FXN: variants seen among roughly 807,000 people sequenced by gnomAD.
FXN encodes the protein frataxin, also known as frataxin, mitochondrial.
FXN carries 14 observed loss-of-function variants against 22.4 expected under a neutral mutation model. That is an observed-to-expected ratio of 0.62 (90% CI 0.41 to 0.98). The LOEUF (loss-of-function observed/expected upper bound fraction) is 0.98, where lower values mean the gene tolerates loss of function less well. FXN is among the 50% of genes least tolerant of loss of function. The probability of loss-of-function intolerance (pLI) is 0.00; values close to 1 mark genes in which losing one functional copy is unlikely to be tolerated. For missense variants in FXN, 267 were observed against 268.4 expected, an observed-to-expected ratio of 0.99 and a Z score of 0.04; for synonymous variants, 120 against 114.1, an observed-to-expected ratio of 1.05 and a Z score of -0.33.
At chr9:69,068,775 C>T (rs1230102742) in intron 4 of FXN, among the ~76,000 whole-genome samples, 10 of 152,078 alleles carry the variant, frequency 6.6e-5, no homozygotes, top group Admixed American at 4.6e-4. Context: ...GGTGGTCTTA[C>T]GTTGACCATG....
At chr9:69,057,384 C>T (rs969945884) in intron 3 of FXN, among the ~76,000 whole-genome samples, 14 of 152,164 alleles carry the variant, frequency 9.2e-5, no homozygotes, top group Admixed American at 2.6e-4. Context: ...TCTCTGAAGA[C>T]AACATTAGGC....
chr9:69,070,332 A>G (rs1476381007), intron 4 of FXN, among the ~76,000 whole-genome samples: 2 of 152,210 alleles, frequency 1.3e-5, no homozygotes, highest in African/African-American at 4.8e-5. Context: ...CCACAATGGG[A>G]AGAAACCAGC....
chr9:69,076,081 T>A lies in FXN; in HGVS notation c.*3319T>A. 2.0e-6 allele frequency: 2 copies of A among 984,736 alleles called. No homozygotes were observed. The highest frequency in any genetic ancestry group is 2.4e-6 in the Non-Finnish European group (2 of 829,304). 61.0% of individuals were successfully genotyped at this position (984,736 alleles called of 1,614,324 possible). A position where few individuals can be genotyped will look rare whatever the true frequency, so the allele number is the denominator to read the frequency against. ...ACATAGAAAATAAAATGTTCTGGCA[T>A]GACTTATTTAGCTCTCTGGAATTAC... On this transcript the variant is annotated 3_prime_UTR_variant, in exon 5 of 5. Transcript: ENST00000484259.
chr9:69,037,617 G>A (rs967694600), intron 1 of FXN, among the ~76,000 whole-genome samples: 2 of 152,204 alleles, frequency 1.3e-5, no homozygotes, highest in African/African-American at 2.4e-5. Flanking sequence ...GAGCTGCCAC[G>A]TATTGGGCTT....
chr9:69,056,888 G>A lies in FXN; in HGVS notation c.384+3628G>A, dbSNP rs554650785. On this transcript the variant is annotated intron_variant, in intron 3 of 4. Coordinates refer to ENST00000484259, the MANE Select transcript of FXN (RefSeq NM_000144.5). ...CTCCCGAGTAGCTGGGATTACAGGC[G>A]CCTGCCACCACGCCTGGCTAATTTT... Among the ~76,000 whole-genome samples the A allele has an allele frequency of 3.3e-5, 5 of 150,306 alleles. No homozygotes were observed. In the South Asian group the frequency reaches 8.4e-4, roughly 25 times the overall value.
At chr9:69,047,329 A>G (rs956163812) in intron 2 of FXN, among the ~76,000 whole-genome samples, 6 of 150,772 alleles carry the variant, frequency 4.0e-5, no homozygotes, top group Non-Finnish European at 8.8e-5. Context: ...ATCTACACAC[A>G]GACACAGACA....
chr9:69,050,906 G>A (rs867511571), intron 2 of FXN, among the ~76,000 whole-genome samples: 1 of 151,520 alleles, frequency 6.6e-6, no homozygotes, highest in Non-Finnish European at 1.5e-5. Context: ...TCAGCCTCCC[G>A]AGTAGCTGGG....
chr9:69,045,947 T>G (rs1831744876), intron 1 of FXN, among the ~76,000 whole-genome samples: 1 of 152,150 alleles, frequency 6.6e-6, no homozygotes, highest in African/African-American at 2.4e-5. Flanking sequence ...TGGGCATGCT[T>G]TCAGTATGCC....
Position 69,074,351 on chromosome 9 carries a change from T to G in FXN, c.*1589T>G. 2 of 985,328 alleles carry G rather than the reference T, an allele frequency of 2.0e-6. No individual in the cohort carries two copies. The highest frequency in any genetic ancestry group is 2.4e-6 in the Non-Finnish European group (2 of 829,902). The allele number at this position is 985,328 out of a possible 1,614,324, so 61.0% of individuals were successfully genotyped here. A position where few individuals can be genotyped will look rare whatever the true frequency, so the allele number is the denominator to read the frequency against. On this transcript the variant is annotated 3_prime_UTR_variant, in exon 5 of 5. Coordinates refer to ENST00000484259, the MANE Select transcript of FXN (RefSeq NM_000144.5). ...AATTCATGCAAAGTTATGCTCATGT[T>G]ATATTATTTTCTTACTTAAAGAAGG...
At chr9:69,055,571 G>A (rs13284692) in intron 3 of FXN, among the ~76,000 whole-genome samples, 1,518 of 148,704 alleles carry the variant, frequency 0.01, 14 homozygotes, top group Non-Finnish European at 0.016. Context: ...TCAGCTCACT[G>A]CAACCTCTGC....
rs549497725 is a variant in FXN at position 69,042,831 on chromosome 9, G to A, written c.166-3554G>A. On this transcript the variant is annotated intron_variant, in intron 1 of 4. Coordinates refer to ENST00000484259, the MANE Select transcript of FXN (RefSeq NM_000144.5). The stretch of plus-strand genomic sequence containing the variant: ...CATTCTCAGACACTTTTCCTTGGAT[G>A]TTTTGAGCACTGCTTTAATTCCTGG... Among the ~76,000 whole-genome samples the A allele has an allele frequency of 2.2e-4, 34 of 152,314 alleles. 1 individual carries two copies. In the South Asian group the frequency reaches 7.0e-3, roughly 32 times the overall value.
rs1342392948 is a variant in FXN, at chr9:69,075,094, T to A, written c.*2332T>A. 1 of 985,294 alleles carries A rather than the reference T, an allele frequency of 1.0e-6. No homozygotes were observed. The highest frequency in any genetic ancestry group is 1.7e-5 in the African/African-American group (1 of 57,220). 61.0% of individuals were successfully genotyped at this position (985,294 alleles called of 1,614,324 possible). A position where few individuals can be genotyped will look rare whatever the true frequency, so the allele number is the denominator to read the frequency against. ...GGCCAGCCCTTCAGGCCTATTTTAC[T>A]TTCATTTTACATATAGCTCTAATTG... On this transcript the variant is annotated 3_prime_UTR_variant, in exon 5 of 5. Transcript: ENST00000484259.
chr9:69,051,726 AT>A (rs1228448820), intron 2 of FXN, among the ~76,000 whole-genome samples: 2 of 152,238 alleles, frequency 1.3e-5, no homozygotes, highest in African/African-American at 2.4e-5. Flanking sequence ...TATTAAAAAA[AT>A]CTCCAATAGA....
At chr9:69,046,555 T>G in intron 2 of FXN, 73 bp downstream of exon 2, 1 of 1,040,658 alleles carries the variant, frequency 9.6e-7, no homozygotes, top group East Asian at 2.5e-5. Flanking sequence ...AGAACCTGGT[T>G]TTCTTCCTGA....
rs201825172 is a variant in FXN at position 69,053,125 on chromosome 9, G to A, written c.264-15G>A. On this transcript the variant is annotated splice_polypyrimidine_tract_variant and intron_variant, in intron 2 of 4. Coordinates refer to ENST00000484259, the MANE Select transcript of FXN (RefSeq NM_000144.5). ...ATTTGGTAATCATGTTTTGGGTTTT[G>A]TGCTTCCTCTGCAGCTCTCTAGATG... 1.8e-4 allele frequency: 296 copies of A among 1,612,600 alleles called. 1 individual carries two copies. The highest frequency in any genetic ancestry group is 3.3e-4 in the Admixed American group (20 of 59,904).
At position 69,076,072 on chromosome 9, in the gene FXN, GT is replaced by G; in HGVS notation, c.*3312del. 1 of 984,426 alleles carries G rather than the reference GT, an allele frequency of 1.0e-6. No homozygotes were observed. The highest frequency in any genetic ancestry group is 1.2e-6 in the Non-Finnish European group (1 of 829,050). 61.0% of individuals were successfully genotyped at this position (984,426 alleles called of 1,614,324 possible). A position where few individuals can be genotyped will look rare whatever the true frequency, so the allele number is the denominator to read the frequency against. ...ACCTCAGCCACATAGAAAATAAAAT[GT>G]TCTGGCATGACTTATTTAGCTCTCT... On this transcript the variant is annotated 3_prime_UTR_variant, in exon 5 of 5. Transcript: ENST00000484259.
chr9:69,076,692 C>A lies in FXN; in HGVS notation c.*3930C>A, dbSNP rs1832375587. On this transcript the variant is annotated 3_prime_UTR_variant, in exon 5 of 5. Transcript: ENST00000484259. ...TGTGTGGACTAACCATGCAAGGTTG[C>A]CAAGGAAAAATCGCTTTACGCTTCC... The A allele has an allele frequency of 6.1e-6, 6 of 985,324 alleles. No homozygotes were observed. Among genetic ancestry groups the A allele is most frequent in the African/African-American group, 1.7e-5 (1 of 57,296 alleles). The allele number at this position is 985,324 out of a possible 1,614,324, so 61.0% of individuals were successfully genotyped here.
rs57561255 is a variant in FXN, at chr9:69,078,693, G to T, written c.*5931G>T. 1.0e-6 allele frequency: 1 copy of T among 984,802 alleles called. No homozygotes were observed. The highest frequency in any genetic ancestry group is 1.8e-5 in the African/African-American group (1 of 56,958). 61.0% of individuals were successfully genotyped at this position (984,802 alleles called of 1,614,324 possible). ...CCTAAGTGTGCTGTGCTATTTTCACGTGGCTCTCAGACTTGGCCAGTGCTG... is the reference window on the plus strand; with the variant it reads ...CCTAAGTGTGCTGTGCTATTTTCACTTGGCTCTCAGACTTGGCCAGTGCTG... On this transcript the variant is annotated 3_prime_UTR_variant, in exon 5 of 5. Coordinates refer to ENST00000484259, the MANE Select transcript of FXN (RefSeq NM_000144.5).
chr9:69,064,224 C>G (rs761070483), intron 3 of FXN, among the ~76,000 whole-genome samples: 7 of 152,190 alleles, frequency 4.6e-5, no homozygotes, highest in African/African-American at 7.2e-5. Flanking sequence ...GTAAAGGACT[C>G]TTTTGTTGAA....
Sources: allele counts gnomAD v4.1 joint callset (sites outside exome capture counted in the v4.1 genomes callset), GRCh38; gene constraint gnomAD v4.1.1; transcripts MANE v1.5; gene names NCBI Gene and HGNC (gene_info 2026-07-23, HGNC 2026-07-21).